The following NUP205 variants were observed in gnomAD, a reference collection of about 807,000 sequenced individuals.
NUP205 encodes the protein nuclear pore complex protein Nup205.
Under a neutral mutation model 253.8 loss-of-function variants are expected in NUP205, and 76 were observed. That is an observed-to-expected ratio of 0.30 (90% CI 0.25 to 0.36). The LOEUF (loss-of-function observed/expected upper bound fraction) is 0.36, where lower values mean the gene tolerates loss of function less well. Among genes scored for constraint, NUP205 ranks in the 10% least tolerant of loss-of-function variants. The pLI is 1.00. For missense variants in NUP205, 2,162 were observed against 2,425.5 expected, an observed-to-expected ratio of 0.89 and a Z score of 2.28; for synonymous variants, 832 against 850.1, an observed-to-expected ratio of 0.98 and a Z score of 0.37.
At chr7:135,620,520 C>G (rs557149503) in intron 30 of NUP205, among the ~76,000 whole-genome samples, 1 of 152,326 alleles carries the variant, frequency 6.6e-6, no homozygotes, top group South Asian at 2.1e-4. Flanking sequence ...GAGTGAAACT[C>G]TGTCTCAAAA....
intron 17 of NUP205, among the ~76,000 whole-genome samples, chr7:135,602,357 C>G (rs56139088): frequency 0.034 from 5,168 of 152,284 alleles, 119 homozygotes; most frequent in Middle Eastern, 0.1. Flanking sequence ...GCACCATTGA[C>G]AGTTTGAGCT....
chr7:135,559,703 T>C (rs1349062002), intron 1 of NUP205, among the ~76,000 whole-genome samples: 10 of 134,426 alleles, frequency 7.4e-5, no homozygotes, highest in South Asian at 2.3e-4. Flanking sequence ...TTTTTTTTCT[T>C]TTTTTGAGAT....
Position 135,598,045 on chromosome 7 carries a change from T to C in NUP205, c.2112T>C (p.Thr704=), listed in dbSNP as rs1392981090. The change falls in exon 15 of 43, where the codon ACT becomes ACC. Residue 704 remains threonine (T), a synonymous_variant. Coordinates refer to ENST00000285968, the MANE Select transcript of NUP205 (RefSeq NM_015135.3). The part of the protein sequence containing the change: ...IESRCEEYPL[T]RAFCQLISTL... ...CCCGGTGTGAAGAATACCCATTGAC[T>C]CGGGCCTTTTGCCAGCTTATTAGTA... The C allele has an allele frequency of 6.2e-7, 1 of 1,614,136 alleles. No homozygotes were observed. The highest frequency in any genetic ancestry group is 8.5e-7 in the Non-Finnish European group (1 of 1,179,992).
chr7:135,614,147 T>G lies in NUP205; in HGVS notation c.3196-12T>G. On this transcript the variant is annotated splice_polypyrimidine_tract_variant and intron_variant, in intron 22 of 42. Transcript: ENST00000285968. The stretch of plus-strand genomic sequence containing the variant: ...GACTGATTCAGGGATTTTTCTTACT[T>G]TAATGCTTTAGGTCATATATCAGTT... 7.0e-7 allele frequency: 1 copy of G among 1,427,896 alleles called. No individual in the cohort carries two copies. The highest frequency in any genetic ancestry group is 2.3e-5 in the East Asian group (1 of 43,726). The allele number at this position is 1,427,896 out of a possible 1,614,324, so 88.5% of individuals were successfully genotyped here.
At chr7:135,603,155 G>T (rs550288925) in intron 18 of NUP205, among the ~76,000 whole-genome samples, 161 bp downstream of exon 18, 1 of 120,586 alleles carries the variant, frequency 8.3e-6, no homozygotes, top group South Asian at 2.5e-4. Context: ...TCGCTCTGTC[G>T]TCCAGGCTAG....
chr7:135,610,010 C>G (rs996445820), intron 22 of NUP205, among the ~76,000 whole-genome samples: 4 of 152,154 alleles, frequency 2.6e-5, no homozygotes, highest in African/African-American at 9.7e-5. Flanking sequence ...AGAGCATGTG[C>G]CTTCCTACTC....
At chr7:135,563,486 C>T (rs772690291) in intron 1 of NUP205, among the ~76,000 whole-genome samples, 5 of 152,010 alleles carry the variant, frequency 3.3e-5, no homozygotes, top group Non-Finnish European at 7.3e-5. Context: ...CTGTGCCCGG[C>T]CAGATTTTAC....
At chr7:135,648,378 C>G (rs1795053788) in intron 42 of NUP205, 26 bp from the exon 43 acceptor site, 1 of 1,512,996 alleles carries the variant, frequency 6.6e-7, no homozygotes, top group South Asian at 1.3e-5. Flanking sequence ...ACAATTTTAA[C>G]AAAATGTCTT....
At chr7:135,588,921 T>A (rs954674570) in intron 10 of NUP205, among the ~76,000 whole-genome samples, 1 of 151,330 alleles carries the variant, frequency 6.6e-6, no homozygotes, top group Non-Finnish European at 1.5e-5. Context: ...AGTTCACACC[T>A]GTAATCCCAG....
rs1342261724 is a variant in NUP205 at position 135,577,931 on chromosome 7, G to A, written c.784G>A (p.Gly262Ser). The A allele has an allele frequency of 6.2e-7, 1 of 1,614,004 alleles. No homozygotes were observed. The highest frequency in any genetic ancestry group is 1.7e-5 in the Admixed American group (1 of 60,006). The part of the protein sequence containing the change: ...HLERVTVEAN[G>S]SLDAVNLALL... ...GGAAAGAGTGACAGTTGAGGCTAAT[G>A]GCTCACTGGATGCAGTGAATCTGGC... Residue 262 changes from glycine to serine, a missense_variant, in exon 6 of 43, where the codon GGC (glycine) becomes AGC (serine). Around this residue, in one of 5 missense-constraint regions of NUP205, gnomAD observed 892 missense variants for 957.1 expected, o/e 0.93. Coordinates refer to ENST00000285968, the MANE Select transcript of NUP205 (RefSeq NM_015135.3).
chr7:135,607,625 A>C (rs757982696), intron 22 of NUP205, among the ~76,000 whole-genome samples: 20 of 152,320 alleles, frequency 1.3e-4, no homozygotes, highest in Admixed American at 2.6e-4. Context: ...AGTAGTGTAG[A>C]AACTTTCCAA....
chr7:135,622,751 G>T lies in NUP205; in HGVS notation c.4331-26G>T, dbSNP rs1794501561. 8 of 1,608,598 alleles carry T rather than the reference G, an allele frequency of 5.0e-6. No homozygotes were observed. The East Asian group carries it at 1.8e-4, about 36-fold the overall frequency. On this transcript the variant is annotated intron_variant, in intron 30 of 42. Coordinates refer to ENST00000285968, the MANE Select transcript of NUP205 (RefSeq NM_015135.3). ...TTATTACACTGCTTTTTACTGGAGT[G>T]TTTTTTTCTGTTTTAATCCTTTTAG...
At chr7:135,607,761 CTG>C (rs773690507) in intron 22 of NUP205, among the ~76,000 whole-genome samples, 42 of 152,086 alleles carry the variant, frequency 2.8e-4, no homozygotes, top group South Asian at 6.2e-4. Context: ...GTTTTTCAAA[CTG>C]TGAAATGGAC....
At chr7:135,633,172 C>T (rs899626462) in intron 35 of NUP205, among the ~76,000 whole-genome samples, 1 of 151,978 alleles carries the variant, frequency 6.6e-6, no homozygotes, top group African/African-American at 2.4e-5. Flanking sequence ...GCTATGTTGC[C>T]CAGGTGTTCT....
At chr7:135,592,333 G>C (rs916989327) in intron 11 of NUP205, among the ~76,000 whole-genome samples, 1 of 152,196 alleles carries the variant, frequency 6.6e-6, no homozygotes, top group Non-Finnish European at 1.5e-5. Context: ...CAACATTTGT[G>C]AATTATTCTG....
rs77226683 is a variant in NUP205, at chr7:135,558,262, C to T, written c.28+290C>T. ...GGGCTGAGTCTGGTCCCCCTCACCC[C>T]CAAGTTTCACTGTGCGTCTGTGGTC... On this transcript the variant is annotated intron_variant, in intron 1 of 42. Transcript: ENST00000285968. The T allele has an allele frequency of 5.5e-5, 25 of 455,188 alleles. No homozygotes were observed. In the East Asian group the frequency reaches 9.9e-4, roughly 18 times the overall value. The allele number at this position is 455,188 out of a possible 1,614,324, so 28.2% of individuals were successfully genotyped here. A position where few individuals can be genotyped will look rare whatever the true frequency, so the allele number is the denominator to read the frequency against.
chr7:135,626,609 A>G (rs922506831), intron 33 of NUP205, among the ~76,000 whole-genome samples: 8 of 152,180 alleles, frequency 5.3e-5, no homozygotes, highest in African/African-American at 1.9e-4. Context: ...CAATTGAAAT[A>G]CTTGTTTGCA....
intron 35 of NUP205, among the ~76,000 whole-genome samples, chr7:135,631,997 G>A (rs1445273771): frequency 6.6e-6 from 1 of 151,820 alleles, no homozygotes; most frequent in Non-Finnish European, 1.5e-5. Flanking sequence ...TGCCCGCCTC[G>A]GCCTCCCAAA....
At chr7:135,563,238 A>G (rs989021872) in intron 1 of NUP205, among the ~76,000 whole-genome samples, 1 of 151,982 alleles carries the variant, frequency 6.6e-6, no homozygotes, top group African/African-American at 2.4e-5. Context: ...CCCAGGCTGG[A>G]GTGCAGTGGC....
Sources: allele counts gnomAD v4.1 joint callset (sites outside exome capture counted in the v4.1 genomes callset), GRCh38; gene constraint gnomAD v4.1.1; regional missense constraint gnomAD v4.1.1; transcripts MANE v1.5; gene names NCBI Gene and HGNC (gene_info 2026-07-23, HGNC 2026-07-21).